The following PITPNB variants were observed in gnomAD, a reference collection of about 807,000 sequenced individuals.
PITPNB encodes phosphatidylinositol transfer protein beta.
In PITPNB, 16 loss-of-function variants were observed where a neutral mutation model predicts 45.9. The ratio of observed to expected loss-of-function variants is 0.35; its 90% CI spans 0.24 to 0.53. The LOEUF (loss-of-function observed/expected upper bound fraction) is 0.53, where lower values mean the gene tolerates loss of function less well. PITPNB is among the 20% of genes least tolerant of loss of function. The pLI is 0.93. For synonymous variants in PITPNB, 112 were observed against 108.9 expected, an observed-to-expected ratio of 1.03 and a Z score of -0.18; for missense variants, 188 against 330.5, an observed-to-expected ratio of 0.57 and a Z score of 3.34.
rs145620440 is a variant in PITPNB, at chr22:27,873,111, T to C, written c.534+627A>G. Among the ~76,000 whole-genome samples the C allele has an allele frequency of 6.8e-3, 1,033 of 152,028 alleles. 7 individuals are homozygous for C. The highest frequency in any genetic ancestry group is 0.023 in the African/African-American group (938 of 41,476). On this transcript the variant is annotated intron_variant, in intron 8 of 11. Coordinates refer to ENST00000335272, the MANE Select transcript of PITPNB (RefSeq NM_012399.5). ...GGAGAAACCCCGTCTCCACTAAAAA[T>C]ACAAAATTAGCCAGGCATGGTGGCG...
chr22:27,894,360 T>C (rs978505337), intron 7 of PITPNB, 195 bp downstream of exon 7: 1 of 401,458 alleles, frequency 2.5e-6, no homozygotes, highest in Non-Finnish European at 4.4e-6. Context: ...AGAAAACAAA[T>C]CGCCTTCTCT....
chr22:27,871,450 T>C (rs890462388), intron 8 of PITPNB, among the ~76,000 whole-genome samples: 19 of 152,342 alleles, frequency 1.2e-4, no homozygotes, highest in African/African-American at 4.3e-4. Context: ...TATTGTCAGC[T>C]AGAGCTACTA....
intron 10 of PITPNB, among the ~76,000 whole-genome samples, chr22:27,855,265 T>C (rs1333257350): frequency 6.6e-6 from 1 of 152,374 alleles, no homozygotes; most frequent in South Asian, 2.1e-4. Flanking sequence ...GTCTGGTCCA[T>C]ATTTGCATAG....
intron 8 of PITPNB, among the ~76,000 whole-genome samples, chr22:27,861,290 G>C (rs901363657): frequency 6.6e-6 from 1 of 152,018 alleles, no homozygotes; most frequent in Non-Finnish European, 1.5e-5. Flanking sequence ...TACAGGGCAA[G>C]ACTCCATCTC....
intron 3 of PITPNB, among the ~76,000 whole-genome samples, chr22:27,899,005 C>A (rs151171399): frequency 1.3e-5 from 2 of 152,360 alleles, no homozygotes; most frequent in East Asian, 3.9e-4. Flanking sequence ...ACAGACTTTT[C>A]ACACAGATCG....
chr22:27,856,215 C>G (rs1026526471), intron 10 of PITPNB, among the ~76,000 whole-genome samples: 16 of 152,218 alleles, frequency 1.1e-4, no homozygotes, highest in Non-Finnish European at 2.1e-4. Flanking sequence ...AGATTTTCCA[C>G]CAGCTTTATG....
intron 7 of PITPNB, among the ~76,000 whole-genome samples, chr22:27,884,890 T>C (rs1935071362): frequency 6.6e-6 from 1 of 152,290 alleles, no homozygotes; most frequent in Non-Finnish European, 1.5e-5. Context: ...ACATTGTTTC[T>C]ACTTAAAAAG....
At chr22:27,915,410 T>A (rs1353213432) in intron 1 of PITPNB, among the ~76,000 whole-genome samples, 1 of 152,312 alleles carries the variant, frequency 6.6e-6, no homozygotes, top group South Asian at 2.1e-4. Context: ...TTTTTAATAG[T>A]CTTTCTTATT....
At chr22:27,887,614 C>T (rs1935160376) in intron 7 of PITPNB, among the ~76,000 whole-genome samples, 1 of 152,108 alleles carries the variant, frequency 6.6e-6, no homozygotes. Context: ...GCCCCACCCC[C>T]ACTCAATCCC....
At chr22:27,910,228 G>A (rs1314315162) in intron 3 of PITPNB, among the ~76,000 whole-genome samples, 1 of 152,122 alleles carries the variant, frequency 6.6e-6, no homozygotes. Context: ...GGGATTACAA[G>A]CGTGAGCCAC....
At chr22:27,892,930 G>A (rs1935322948) in intron 7 of PITPNB, among the ~76,000 whole-genome samples, 1 of 152,192 alleles carries the variant, frequency 6.6e-6, no homozygotes, top group Non-Finnish European at 1.5e-5. Context: ...AGTGACATCT[G>A]AGAAAAGGTC....
In PITPNB at chr22:27,911,197, T is replaced by C. The variant is rs1442654626; in HGVS notation, c.52-88A>G. The C allele has an allele frequency of 8.1e-6, 7 of 868,254 alleles. No homozygotes were observed. The South Asian group carries it at 9.3e-5, about 11-fold the overall frequency. The allele number at this position is 868,254 out of a possible 1,614,324, so 53.8% of individuals were successfully genotyped here. ...TAAAATCTTAATAATATAGATGATA[T>C]AGAAAAGCATATCCAAACCATTCAG... On this transcript the variant is annotated intron_variant, in intron 2 of 11. Coordinates refer to ENST00000335272, the MANE Select transcript of PITPNB (RefSeq NM_012399.5).
intron 7 of PITPNB, among the ~76,000 whole-genome samples, chr22:27,893,760 G>GT (rs1555890056): frequency 1.3e-5 from 2 of 151,420 alleles, no homozygotes; most frequent in African/African-American, 2.4e-5. Flanking sequence ...CCAGCTAATC[G>GT]TTTTTTTCTT....
intron 8 of PITPNB, among the ~76,000 whole-genome samples, chr22:27,865,911 C>T (rs1934470201): frequency 6.6e-6 from 1 of 152,064 alleles, no homozygotes; most frequent in Admixed American, 6.6e-5. Context: ...AAAAAACAAC[C>T]CCAAAGCAAA....
chr22:27,869,349 A>C (rs948354557), intron 8 of PITPNB, among the ~76,000 whole-genome samples: 26 of 152,202 alleles, frequency 1.7e-4, no homozygotes, highest in African/African-American at 5.8e-4. Flanking sequence ...TAGTTTTTTA[A>C]AAATAAAAGA....
intron 3 of PITPNB, among the ~76,000 whole-genome samples, chr22:27,908,899 A>T (rs760388816): frequency 1.3e-5 from 2 of 152,178 alleles, no homozygotes; most frequent in Non-Finnish European, 2.9e-5. Context: ...CTGTATTCTA[A>T]GCGAAAATAA....
At position 27,875,733 on chromosome 22, in the gene PITPNB, T is replaced by C. The variant is rs1934802368; in HGVS notation, c.457-1918A>G. Among the ~76,000 whole-genome samples, 2 of 152,306 alleles carry C rather than the reference T, an allele frequency of 1.3e-5. 1 individual carries two copies. Among genetic ancestry groups the C allele is most frequent in the African/African-American group, 4.8e-5 (2 of 41,562 alleles). On this transcript the variant is annotated intron_variant, in intron 7 of 11. Transcript: ENST00000335272. ...AAATCTAGTTATTGAACAGCCACCA[T>C]ATAGAAGGTAGCACACCAGACGTTA... is the stretch of plus-strand genomic sequence containing the variant.
chr22:27,868,601 A>G (rs1431407480), intron 8 of PITPNB, among the ~76,000 whole-genome samples: 1 of 152,244 alleles, frequency 6.6e-6, no homozygotes, highest in African/African-American at 2.4e-5. Context: ...AACAGTATGA[A>G]AAACTGAAAG....
At chr22:27,871,516 C>A (rs1934658553) in intron 8 of PITPNB, among the ~76,000 whole-genome samples, 2 of 152,188 alleles carry the variant, frequency 1.3e-5, no homozygotes, top group African/African-American at 4.8e-5. Context: ...GAGGTAGCCA[C>A]CATCTGGGCT....
Sources: allele counts gnomAD v4.1 joint callset (sites outside exome capture counted in the v4.1 genomes callset), GRCh38; gene constraint gnomAD v4.1.1; transcripts MANE v1.5; gene names NCBI Gene and HGNC (gene_info 2026-07-23, HGNC 2026-07-21).